Variants in ADAMTS14 observed in about 807,000 individuals in gnomAD.
ADAMTS14 encodes A disintegrin and metalloproteinase with thrombospondin motifs 14.
Under a neutral mutation model 128.6 loss-of-function variants are expected in ADAMTS14, and 100 were observed. The observed-to-expected ratio is 0.78, with a 90% CI of 0.66 to 0.92. The LOEUF (loss-of-function observed/expected upper bound fraction) is 0.92, where lower values mean the gene tolerates loss of function less well. ADAMTS14 is among the 40% of genes least tolerant of loss of function. The probability of loss-of-function intolerance (pLI) is 0.00; values close to 1 mark genes in which losing one functional copy is unlikely to be tolerated. For missense variants in ADAMTS14, 1,562 were observed against 1,658.6 expected, an observed-to-expected ratio of 0.94 and a Z score of 1.01; for synonymous variants, 665 against 653.8, an observed-to-expected ratio of 1.02 and a Z score of -0.26.
At chr10:70,673,029 T>A (rs1301208187) in intron 1 of ADAMTS14, 145 bp downstream of exon 1, 1 of 1,210,122 alleles carries the variant, frequency 8.3e-7, no homozygotes, top group Non-Finnish European at 1.1e-6. Flanking sequence ...TGTCTTTTCT[T>A]CCACTGTGCC....
At chr10:70,727,440 G>C (rs1026050458) in intron 4 of ADAMTS14, among the ~76,000 whole-genome samples, 2 of 152,234 alleles carry the variant, frequency 1.3e-5, no homozygotes, top group African/African-American at 4.8e-5. Context: ...GTGAGAGCAA[G>C]ACTATGCATG....
chr10:70,706,418 G>A (rs1840669481), intron 3 of ADAMTS14, among the ~76,000 whole-genome samples: 1 of 152,234 alleles, frequency 6.6e-6, no homozygotes, highest in Non-Finnish European at 1.5e-5. Flanking sequence ...ACACTTCTGA[G>A]CACAGCCCAT....
At chr10:70,727,769 A>G (rs1033362444) in intron 4 of ADAMTS14, among the ~76,000 whole-genome samples, 1 of 152,178 alleles carries the variant, frequency 6.6e-6, no homozygotes, top group East Asian at 1.9e-4. Flanking sequence ...TTGTAGAGAC[A>G]GGGTCTCACT....
Position 70,674,770 on chromosome 10 carries a change from C to T in ADAMTS14, c.297C>T (p.Gly99=), listed in dbSNP as rs372200693. 305 of 1,613,426 alleles carry T rather than the reference C, an allele frequency of 1.9e-4. No homozygotes were observed. The highest frequency in any genetic ancestry group is 2.5e-4 in the Non-Finnish European group (292 of 1,179,930). ...PLHPGGTLWP[G]RVGRHSLYFN... ...ACCCAGGAGGGACCCTGTGGCCTGG[C>T]AGGGTGGGGCGCCACTCCCTCTACT... Residue 99 remains glycine (G), a synonymous_variant, in exon 2 of 22, where the codon GGC becomes GGT. Coordinates refer to ENST00000373207, the MANE Select transcript of ADAMTS14 (RefSeq NM_080722.4).
intron 2 of ADAMTS14, among the ~76,000 whole-genome samples, chr10:70,692,969 G>T (rs1022039477): frequency 1.3e-5 from 2 of 152,186 alleles, no homozygotes. Flanking sequence ...GTTGGCTCAT[G>T]ATTCTGCAGG....
chr10:70,691,961 G>A (rs553289012), intron 2 of ADAMTS14, among the ~76,000 whole-genome samples: 3 of 151,854 alleles, frequency 2.0e-5, no homozygotes, highest in East Asian at 1.9e-4. Flanking sequence ...GTCCCTTTTC[G>A]TGCCATTCTA....
At chr10:70,752,384 C>T (rs920520755) in intron 18 of ADAMTS14, among the ~76,000 whole-genome samples, 157 bp downstream of exon 18, 4 of 152,196 alleles carry the variant, frequency 2.6e-5, no homozygotes, top group African/African-American at 9.6e-5. Context: ...CAGGCCCAGG[C>T]CAGGATGCTG....
At chr10:70,714,963 A>AG (rs1564534388) in intron 4 of ADAMTS14, among the ~76,000 whole-genome samples, 1 of 139,652 alleles carries the variant, frequency 7.2e-6, no homozygotes, top group African/African-American at 2.9e-5. Flanking sequence ...AAAAAAAAAA[A>AG]AAAAAAAAAG....
intron 19 of ADAMTS14, among the ~76,000 whole-genome samples, chr10:70,756,130 G>A (rs1842474574): frequency 1.3e-5 from 2 of 152,182 alleles, no homozygotes; most frequent in Admixed American, 1.3e-4. Flanking sequence ...ACTTCAGTAT[G>A]AAGTAAAAAA....
chr10:70,745,132 T>C, intron 14 of ADAMTS14, 94 bp from the exon 15 acceptor site: 1 of 1,133,814 alleles, frequency 8.8e-7, no homozygotes, highest in Middle Eastern at 3.0e-4. Flanking sequence ...TCAAATGAGA[T>C]GTTCCTGGGT....
intron 4 of ADAMTS14, among the ~76,000 whole-genome samples, chr10:70,722,209 G>C (rs1161771623): frequency 6.6e-6 from 1 of 152,170 alleles, no homozygotes; most frequent in African/African-American, 2.4e-5. Context: ...CTGGGGGCTA[G>C]AGCACATGGT....
In ADAMTS14 at chr10:70,733,994, C is replaced by A. The variant is rs141442936; in HGVS notation, c.1318C>A (p.Arg440Ser). ...QAAFHRFHWSRCSKLELSRYL... is the reference protein window; with the variant it reads ...QAAFHRFHWSSCSKLELSRYL... ...TGCCTTCCACCGCTTCCATTGGTCC[C>A]GCTGCAGCAAGCTGGAGCTCAGCCG... The change falls in exon 8 of 22, where the codon CGC (arginine) becomes AGC (serine). Residue 440 changes from arginine (R) to serine (S), a missense_variant. By Grantham distance (110) the Arg-to-Ser change is moderately radical (BLOSUM62 -1). Transcript: ENST00000373207. 2 of 1,613,786 alleles carry A rather than the reference C, an allele frequency of 1.2e-6. No individual in the cohort carries two copies. Among genetic ancestry groups the A allele is most frequent in the South Asian group, 2.2e-5 (2 of 91,076 alleles).
intron 3 of ADAMTS14, among the ~76,000 whole-genome samples, chr10:70,707,924 C>T (rs564911278): frequency 1.3e-3 from 192 of 152,256 alleles, no homozygotes; most frequent in Admixed American, 2.7e-3. Flanking sequence ...TGGTTGTGAC[C>T]GAGAATGAAT....
intron 4 of ADAMTS14, among the ~76,000 whole-genome samples, chr10:70,711,932 G>C (rs779741924): frequency 6.6e-6 from 1 of 152,172 alleles, no homozygotes; most frequent in African/African-American, 2.4e-5. Flanking sequence ...GGGAGCGGGT[G>C]GGGGGCTAGA....
At chr10:70,695,632 A>G (rs971492094) in intron 2 of ADAMTS14, among the ~76,000 whole-genome samples, 10 of 152,206 alleles carry the variant, frequency 6.6e-5, no homozygotes, top group African/African-American at 2.4e-4. Context: ...GGGTAGAGCA[A>G]CTGGGAAAAA....
At chr10:70,727,457 C>T (rs1014379179) in intron 4 of ADAMTS14, among the ~76,000 whole-genome samples, 7 of 152,192 alleles carry the variant, frequency 4.6e-5, no homozygotes, top group Non-Finnish European at 7.4e-5. Context: ...CATGGAGCTC[C>T]GGCCCAGCTC....
chr10:70,755,002 T>C (rs573103094), intron 19 of ADAMTS14, among the ~76,000 whole-genome samples: 1 of 152,310 alleles, frequency 6.6e-6, no homozygotes, highest in Non-Finnish European at 1.5e-5. Flanking sequence ...CAAGCCAAGC[T>C]GGATGCAGTG....
chr10:70,679,362 G>A (rs1010453794), intron 2 of ADAMTS14, among the ~76,000 whole-genome samples: 4 of 152,134 alleles, frequency 2.6e-5, no homozygotes, highest in Admixed American at 6.5e-5. Flanking sequence ...CTGGGATGCT[G>A]TTAGACCTGA....
intron 15 of ADAMTS14, 134 bp from the exon 16 acceptor site, chr10:70,749,688 G>A: frequency 9.0e-7 from 1 of 1,113,122 alleles, no homozygotes; most frequent in African/African-American, 1.6e-5. Context: ...ACTCGGGAGG[G>A]CTTGGGTGGG....
Sources: allele counts gnomAD v4.1 joint callset (sites outside exome capture counted in the v4.1 genomes callset), GRCh38; gene constraint gnomAD v4.1.1; transcripts MANE v1.5; gene names NCBI Gene and HGNC (gene_info 2026-07-23, HGNC 2026-07-21).